Variants in MATR3 observed in about 807,000 individuals in gnomAD.
The protein encoded by MATR3 is matrin-3.
In MATR3, 4 loss-of-function variants were observed where a neutral mutation model predicts 85.5. That is an observed-to-expected ratio of 0.05 (90% CI 0.02 to 0.11). The LOEUF is 0.11. MATR3 is among the 10% of genes least tolerant of loss of function. The pLI, the probability that MATR3 is intolerant of heterozygous loss-of-function variation, is 1.00. For missense variants in MATR3, 685 were observed against 1,016.1 expected, an observed-to-expected ratio of 0.67 and a Z score of 4.43; for synonymous variants, 336 against 343.1, an observed-to-expected ratio of 0.98 and a Z score of 0.23.
intron 2 of MATR3, chr5:139,313,779 T>A (rs1412526865): frequency 2.0e-5 from 3 of 152,220 alleles, no homozygotes; most frequent in Non-Finnish European, 4.4e-5. Context: ...GAAAAGCCAT[T>A]CCTGTTGAAT....
chr5:139,294,130 TC>T lies in MATR3; in HGVS notation c.-178+327del, dbSNP rs1754005020. 2.7e-6 allele frequency: 3 copies of T among 1,128,878 alleles called. No individual in the cohort carries two copies. In the South Asian group the frequency reaches 9.6e-5, roughly 36 times the overall value. The allele number at this position is 1,128,878 out of a possible 1,614,324, so 69.9% of individuals were successfully genotyped here. ...GCTGACCGGCCGAGCTTCCTGCGCG[TC>T]CTGGGCTCGTTGTGGGCGGGGGCGG... On this transcript the variant is annotated intron_variant, in intron 1 of 14. Coordinates refer to ENST00000394805, the MANE Select transcript of MATR3 (RefSeq NM_018834.6).
At chr5:139,306,567 T>TG (rs1754716755) in intron 1 of MATR3, among the ~76,000 whole-genome samples, 1 of 152,214 alleles carries the variant, frequency 6.6e-6, no homozygotes, top group African/African-American at 2.4e-5. Flanking sequence ...AAACACTGCC[T>TG]GATGTAGGAT....
Position 139,325,588 on chromosome 5 carries a change from G to T in MATR3, c.2297G>T (p.Ser766Ile), listed in dbSNP as rs777216739. 6.2e-7 allele frequency: 1 copy of T among 1,614,202 alleles called. No individual in the cohort carries two copies. Among genetic ancestry groups the T allele is most frequent in the South Asian group, 1.1e-5 (1 of 91,082 alleles). ...ACAAGTGAAAACGCAGATGGTCAAA[G>T]TGATGAGAACAAGGACGACTATACA... ...KDTSENADGQ[S>I]DENKDDYTIP... is the part of the protein sequence containing the mutation. The change falls in exon 13 of 15, where the codon AGT becomes ATT. Residue 766 changes from serine to isoleucine, a missense_variant. By Grantham distance (142) the Ser-to-Ile change is moderately radical. Transcript: ENST00000394805.
At chr5:139,278,232 AAT>A (rs376148985) in intron 2 of MATR3, 12,005 of 281,732 alleles carry the variant, frequency 0.043, 7 homozygotes, top group South Asian at 0.077. Flanking sequence ...TATCTCAAAA[AAT>A]ATATATATAT....
chr5:139,287,445 C>T (rs1414759692), intron 3 of MATR3, among the ~76,000 whole-genome samples: 3 of 151,538 alleles, frequency 2.0e-5, no homozygotes, highest in African/African-American at 7.3e-5. Flanking sequence ...GTGGCGAAAC[C>T]CCATCTCTAC....
intron 1 of MATR3, among the ~76,000 whole-genome samples, chr5:139,304,031 G>A (rs1754588603): frequency 1.3e-5 from 2 of 152,144 alleles, no homozygotes; most frequent in Non-Finnish European, 1.5e-5. Flanking sequence ...CATGTAATGG[G>A]AGGTAGAATA....
chr5:139,319,337 C>A lies in MATR3; in HGVS notation c.1438C>A (p.Pro480Thr). The A allele has an allele frequency of 3.7e-6, 6 of 1,613,932 alleles. No individual in the cohort carries two copies. The highest frequency in any genetic ancestry group is 5.1e-6 in the Non-Finnish European group (6 of 1,179,934). ...TTGTTGTTGTTATTTATTAAAGAAA[C>A]CTGAAGGAAAGCCAGATCAGAAGTT... Reference protein sequence around the residue: ...LSQKYKRIKKPEGKPDQKFDQ... With the variant: ...LSQKYKRIKKTEGKPDQKFDQ... The change falls in exon 9 of 15, where the codon CCT (proline) becomes ACT (threonine). Residue 480 changes from proline to threonine, a missense_variant. Coordinates refer to ENST00000394805, the MANE Select transcript of MATR3 (RefSeq NM_018834.6).
intron 12 of MATR3, among the ~76,000 whole-genome samples, chr5:139,324,076 ATAAT>A (rs759119813): frequency 8.5e-5 from 13 of 152,136 alleles, no homozygotes; most frequent in Non-Finnish European, 1.5e-4. Flanking sequence ...GTAAATGCTA[ATAAT>A]TACTGATGTT....
chr5:139,312,685 A>G (rs1050540375), intron 2 of MATR3: 2 of 151,656 alleles, frequency 1.3e-5, no homozygotes, highest in Non-Finnish European at 2.9e-5. Context: ...AGACAGTTTC[A>G]CTCTTGCCCA....
At chr5:139,297,691 A>G (rs1754226913) in intron 1 of MATR3, among the ~76,000 whole-genome samples, 1 of 152,202 alleles carries the variant, frequency 6.6e-6, no homozygotes, top group Admixed American at 6.5e-5. Context: ...GATGTGATGT[A>G]TAATTTTCCA....
chr5:139,299,068 GGGGA>G (rs1754308915), intron 1 of MATR3, among the ~76,000 whole-genome samples: 1 of 152,194 alleles, frequency 6.6e-6, no homozygotes, highest in Non-Finnish European at 1.5e-5. Context: ...TTAAACACAA[GGGGA>G]GGGAGTCGTT....
At chr5:139,319,206 C>T in intron 8 of MATR3, 128 bp from the exon 9 acceptor site, 1 of 1,270,394 alleles carries the variant, frequency 7.9e-7, no homozygotes, top group Non-Finnish European at 1.1e-6. Context: ...GAGTTCCAGG[C>T]AAGCCTGGGC....
chr5:139,306,518 GAGTT>G (rs756232540), intron 1 of MATR3, among the ~76,000 whole-genome samples: 80 of 152,224 alleles, frequency 5.3e-4, no homozygotes, highest in Non-Finnish European at 9.7e-4. Flanking sequence ...GTACTGACCA[GAGTT>G]AGTTCTCCTT....
At chr5:139,306,823 A>T (rs1437177549) in intron 1 of MATR3, among the ~76,000 whole-genome samples, 1 of 152,178 alleles carries the variant, frequency 6.6e-6, no homozygotes, top group Non-Finnish European at 1.5e-5. Flanking sequence ...TCCAAAGCAC[A>T]GTACAACTGA....
chr5:139,276,019 TTTC>T (rs756985484), intron 1 of MATR3: 85 of 456,648 alleles, frequency 1.9e-4, no homozygotes, highest in Non-Finnish European at 2.9e-4. Flanking sequence ...TCTGCTATTG[TTTC>T]TGTGGCTTAG....
At position 139,330,265 on chromosome 5, in the gene MATR3, T is replaced by C. The variant is rs1421616164; in HGVS notation, c.*870T>C. ...ATCCTAGATGCACGCTTCTAATTCA[T>C]GTACCTGCACATGTGACCTTTGTGA... is the stretch of plus-strand genomic sequence containing the variant. On this transcript the variant is annotated 3_prime_UTR_variant, in exon 15 of 15. Coordinates refer to ENST00000394805, the MANE Select transcript of MATR3 (RefSeq NM_018834.6). 1 of 453,846 alleles carries C rather than the reference T, an allele frequency of 2.2e-6. No individual in the cohort carries two copies. Among genetic ancestry groups the C allele is most frequent in the Admixed American group, 2.4e-5 (1 of 42,498 alleles). 28.1% of individuals were successfully genotyped at this position (453,846 alleles called of 1,614,324 possible).
intron 5 of MATR3, among the ~76,000 whole-genome samples, chr5:139,316,434 C>T (rs1458590639): frequency 2.6e-5 from 4 of 152,018 alleles, no homozygotes; most frequent in East Asian, 1.9e-4. Flanking sequence ...TTAGTAGAGA[C>T]GGGGTTTCAC....
At chr5:139,278,262 C>T (rs2151858763) in intron 2 of MATR3, 1 of 451,076 alleles carries the variant, frequency 2.2e-6, no homozygotes, top group East Asian at 7.0e-5. Flanking sequence ...CACACACACA[C>T]AATGCATTGC....
chr5:139,317,818 G>A, intron 7 of MATR3, 97 bp downstream of exon 7: 1 of 1,245,956 alleles, frequency 8.0e-7, no homozygotes, highest in Non-Finnish European at 1.1e-6. Context: ...TAAAACTCAA[G>A]GTAATCTTAA....
Sources: allele counts gnomAD v4.1 joint callset (sites outside exome capture counted in the v4.1 genomes callset), GRCh38; gene constraint gnomAD v4.1.1; transcripts MANE v1.5; gene names NCBI Gene and HGNC (gene_info 2026-07-23, HGNC 2026-07-21).